PTPRG: variants seen among roughly 807,000 people sequenced by gnomAD.
PTPRG encodes the protein receptor-type tyrosine-protein phosphatase gamma.
In PTPRG, 102 loss-of-function variants were observed where a neutral mutation model predicts 165.3. The ratio of observed to expected loss-of-function variants is 0.62; its 90% confidence interval spans 0.53 to 0.73. The LOEUF is 0.73. Ranked by LOEUF, PTPRG falls within the 30% of genes least tolerant of loss-of-function variation. The pLI, the probability that PTPRG is intolerant of heterozygous loss-of-function variation, is 0.00. For synonymous variants in PTPRG, 675 were observed against 669.5 expected, an observed-to-expected ratio of 1.01 and a Z score of -0.13; for missense variants, 1,866 against 1,861.4, an observed-to-expected ratio of 1.00 and a Z score of -0.05.
At chr3:61,955,154 G>A (rs141381133) in intron 2 of PTPRG, among the ~76,000 whole-genome samples, 2,464 of 152,274 alleles carry the variant, frequency 0.016, 40 homozygotes, top group Middle Eastern at 0.031. Context: ...ATCTGTATAC[G>A]ATATGTCATA....
intron 12 of PTPRG, among the ~76,000 whole-genome samples, chr3:62,205,570 C>T (rs1700207415): frequency 6.6e-6 from 1 of 151,910 alleles, no homozygotes; most frequent in East Asian, 1.9e-4. Context: ...GACCTCTGAG[C>T]AGAGAGCCAA....
At chr3:61,698,936 G>A (rs957723918) in intron 1 of PTPRG, among the ~76,000 whole-genome samples, 1 of 151,932 alleles carries the variant, frequency 6.6e-6, no homozygotes, top group South Asian at 2.1e-4. Context: ...ACCAAACACT[G>A]CATGCTCTCA....
intron 4 of PTPRG, among the ~76,000 whole-genome samples, chr3:62,066,124 A>T (rs1001429152): frequency 2.0e-5 from 3 of 152,226 alleles, no homozygotes; most frequent in African/African-American, 7.2e-5. Context: ...GAATACAACC[A>T]ACTAGATCTA....
At chr3:62,068,692 CTA>C (rs1701102173) in intron 4 of PTPRG, among the ~76,000 whole-genome samples, 1 of 151,966 alleles carries the variant, frequency 6.6e-6, no homozygotes, top group Admixed American at 6.6e-5. Flanking sequence ...TAAGGTCTCC[CTA>C]TGTTTCTCAG....
At chr3:62,037,681 G>A (rs1699992529) in intron 4 of PTPRG, among the ~76,000 whole-genome samples, 1 of 152,144 alleles carries the variant, frequency 6.6e-6, no homozygotes, top group Non-Finnish European at 1.5e-5. Flanking sequence ...CTACTGCCAT[G>A]ACAACATACT....
chr3:61,972,105 G>GGA (rs1033272211), intron 2 of PTPRG, among the ~76,000 whole-genome samples: 1 of 152,222 alleles, frequency 6.6e-6, no homozygotes, highest in African/African-American at 2.4e-5. Flanking sequence ...AAAGCACAAT[G>GGA]GAAGACGGTT....
At chr3:62,244,010 T>A (rs1231089206) in intron 15 of PTPRG, 112 bp downstream of exon 15, 1 of 631,330 alleles carries the variant, frequency 1.6e-6, no homozygotes, top group Non-Finnish European at 2.7e-6. Flanking sequence ...GCTTGCCCAG[T>A]ATAAGAAATT....
chr3:62,260,963 A>G (rs1250796810), intron 16 of PTPRG: 3 of 152,342 alleles, frequency 2.0e-5, no homozygotes, highest in Admixed American at 6.5e-5. Context: ...AAGGGGTTTT[A>G]GATAACAAAG....
At position 62,175,013 on chromosome 3, in the gene PTPRG, C is replaced by T. The variant is rs117657323; in HGVS notation, c.1033+6850C>T. Among the ~76,000 whole-genome samples, 21 of 152,238 alleles carry T rather than the reference C, an allele frequency of 1.4e-4. No homozygotes were observed. The East Asian group carries it at 4.1e-3, about 29-fold the overall frequency. On this transcript the variant is annotated intron_variant, in intron 8 of 29. Coordinates refer to ENST00000474889, the MANE Select transcript of PTPRG (RefSeq NM_002841.4). The stretch of plus-strand genomic sequence containing the variant: ...AAGAAAGAAGACAAAAAAAACAGGT[C>T]TGTTTCAAGACCCTTGGAACATCCT...
At chr3:61,721,410 A>G (rs1661106012) in intron 1 of PTPRG, among the ~76,000 whole-genome samples, 1 of 152,192 alleles carries the variant, frequency 6.6e-6, no homozygotes. Flanking sequence ...CATTCACTAC[A>G]GAGACACTAT....
chr3:61,784,542 A>G (rs961936404), intron 2 of PTPRG, among the ~76,000 whole-genome samples: 5 of 152,194 alleles, frequency 3.3e-5, no homozygotes, highest in Admixed American at 6.6e-5. Context: ...AGCAGCTGAC[A>G]TCTGTGTTTC....
rs1397606385 is a variant in PTPRG at position 61,901,911 on chromosome 3, A to G, written c.191-87714A>G. On this transcript the variant is annotated intron_variant, in intron 2 of 29. Coordinates refer to ENST00000474889, the MANE Select transcript of PTPRG (RefSeq NM_002841.4). The stretch of plus-strand genomic sequence containing the variant: ...TCTTTAATAAAAAGGATGTTTTAAA[A>G]TGATATTACCTGATAATTATGCTTG... 5.3e-5 allele frequency among the ~76,000 whole-genome samples: 8 copies of G among 152,378 alleles called. No homozygotes were observed. The East Asian group carries it at 1.5e-3, about 29-fold the overall frequency.
chr3:61,807,893 G>A lies in PTPRG; in HGVS notation c.190+58911G>A, dbSNP rs143500946. 4.6e-5 allele frequency among the ~76,000 whole-genome samples: 7 copies of A among 152,240 alleles called. No individual in the cohort carries two copies. In the East Asian group the frequency reaches 1.4e-3, roughly 29 times the overall value. ...CTTTTAACTGGGCAACCATATTTTT[G>A]ATCTTCTGCAGAGCTAGGAGCACTC... is the stretch of plus-strand genomic sequence containing the variant. On this transcript the variant is annotated intron_variant, in intron 2 of 29. Coordinates refer to ENST00000474889, the MANE Select transcript of PTPRG (RefSeq NM_002841.4).
intron 2 of PTPRG, among the ~76,000 whole-genome samples, chr3:61,885,030 A>ATG (rs1280679954): frequency 2.0e-5 from 3 of 151,212 alleles, no homozygotes; most frequent in African/African-American, 7.3e-5. Context: ...AATAATCTTG[A>ATG]TGTGTGGTGT....
chr3:62,139,620 C>T (rs550496803), intron 6 of PTPRG, among the ~76,000 whole-genome samples: 19 of 152,344 alleles, frequency 1.2e-4, no homozygotes, highest in South Asian at 6.2e-4. Flanking sequence ...CCTGAGAACT[C>T]GCTTCTATTA....
At chr3:62,056,631 C>G (rs1700644744) in intron 4 of PTPRG, among the ~76,000 whole-genome samples, 1 of 152,114 alleles carries the variant, frequency 6.6e-6, no homozygotes, top group South Asian at 2.1e-4. Context: ...CCTAAAATAT[C>G]TAAGATGTAA....
chr3:61,599,024 A>G (rs1246088424), intron 1 of PTPRG, among the ~76,000 whole-genome samples: 5 of 152,194 alleles, frequency 3.3e-5, no homozygotes, highest in African/African-American at 1.2e-4. Flanking sequence ...CAACACATAC[A>G]GATGGATAGG....
chr3:62,056,894 T>C (rs1482083091), intron 4 of PTPRG, among the ~76,000 whole-genome samples: 1 of 152,200 alleles, frequency 6.6e-6, no homozygotes, highest in African/African-American at 2.4e-5. Flanking sequence ...CTTGAGGCTC[T>C]ATGTCATTCA....
At chr3:62,209,594 G>C (rs1700310061) in intron 12 of PTPRG, among the ~76,000 whole-genome samples, 1 of 152,144 alleles carries the variant, frequency 6.6e-6, no homozygotes, top group African/African-American at 2.4e-5. Context: ...GCCAGTGCTA[G>C]TTTTGCTCGT....
Sources: gnomAD v4.1 joint callset for allele counts (sites outside exome capture counted in the v4.1 genomes callset) on GRCh38, gnomAD v4.1.1 for gene constraint, MANE v1.5 for transcripts, NCBI Gene and HGNC (gene_info 2026-07-23, HGNC 2026-07-21) for gene names.